PDE4D: variants seen among roughly 807,000 people sequenced by gnomAD.
PDE4D encodes phosphodiesterase 4D, also known as 3',5'-cyclic-AMP phosphodiesterase 4D.
PDE4D carries 24 observed loss-of-function variants against 87.4 expected under a neutral mutation model. The ratio of observed to expected loss-of-function variants is 0.27; its 90% confidence interval spans 0.20 to 0.39. The LOEUF is 0.39. Ranked by LOEUF, PDE4D falls within the 10% of genes least tolerant of loss-of-function variation. The pLI is 1.00. For synonymous variants in PDE4D, 384 were observed against 383.2 expected, an observed-to-expected ratio of 1.00 and a Z score of -0.02; for missense variants, 714 against 1,041.0, an observed-to-expected ratio of 0.69 and a Z score of 4.32.
intron 5 of PDE4D, among the ~76,000 whole-genome samples, chr5:59,175,653 G>A (rs1421957506): frequency 6.6e-6 from 1 of 151,210 alleles, no homozygotes; most frequent in Non-Finnish European, 1.5e-5. Context: ...GCTAATTTTT[G>A]TATTTTAATA....
At chr5:58,996,661 C>G (rs1267214092) in intron 6 of PDE4D, among the ~76,000 whole-genome samples, 1 of 152,130 alleles carries the variant, frequency 6.6e-6, no homozygotes, top group Non-Finnish European at 1.5e-5. Context: ...CTAACTTGTA[C>G]ACAAACTAGT....
chr5:58,976,583 T>C, intron 12 of PDE4D, 111 bp from the exon 13 acceptor site: 1 of 866,656 alleles, frequency 1.2e-6, no homozygotes, highest in Non-Finnish European at 1.8e-6. Context: ...TGCCTTTTAA[T>C]GACAGTGGAA....
intron 1 of PDE4D, among the ~76,000 whole-genome samples, chr5:59,691,858 A>G (rs891066392): frequency 6.6e-6 from 1 of 152,110 alleles, no homozygotes; most frequent in Non-Finnish European, 1.5e-5. Flanking sequence ...ATTATTTTAT[A>G]TAGGAAGTTC....
At chr5:59,102,901 T>C (rs747370997) in intron 5 of PDE4D, among the ~76,000 whole-genome samples, 1 of 152,166 alleles carries the variant, frequency 6.6e-6, no homozygotes, top group Non-Finnish European at 1.5e-5. Context: ...AGCATAACAC[T>C]TAACAGCCGA....
At chr5:59,987,507 T>C (rs568654896) in intron 3 of PDE4D, 33 of 152,314 alleles carry the variant, frequency 2.2e-4, no homozygotes, top group African/African-American at 6.0e-4. Flanking sequence ...TTCAGTATCT[T>C]TGAGTTGAGT....
intron 1 of PDE4D, among the ~76,000 whole-genome samples, chr5:59,669,213 G>A (rs998441008): frequency 1.3e-5 from 2 of 152,126 alleles, no homozygotes; most frequent in South Asian, 4.1e-4. Context: ...CCAGGTTCAA[G>A]CAATTCTCCT....
At chr5:59,015,014 A>C (rs369333912) in intron 6 of PDE4D, among the ~76,000 whole-genome samples, 2 of 152,152 alleles carry the variant, frequency 1.3e-5, no homozygotes, top group African/African-American at 2.4e-5. Flanking sequence ...CAAAAACAAG[A>C]AATGGGGAAA....
chr5:60,223,310 AG>A (rs1182181563), intron 1 of PDE4D, among the ~76,000 whole-genome samples: 1 of 152,180 alleles, frequency 6.6e-6, no homozygotes, highest in Non-Finnish European at 1.5e-5. Flanking sequence ...CTATCGATTA[AG>A]TTTGTCATTA....
At chr5:59,517,661 GCTGAAA>G (rs1175843809) in intron 1 of PDE4D, among the ~76,000 whole-genome samples, 1 of 152,186 alleles carries the variant, frequency 6.6e-6, no homozygotes, top group Non-Finnish European at 1.5e-5. Context: ...GTAAAATGAA[GCTGAAA>G]GGAGGATATA....
chr5:59,528,045 C>G (rs777007243), intron 1 of PDE4D, among the ~76,000 whole-genome samples: 1 of 152,172 alleles, frequency 6.6e-6, no homozygotes, highest in Non-Finnish European at 1.5e-5. Flanking sequence ...GAACTGCACG[C>G]TTAAAGGTAA....
intron 2 of PDE4D, among the ~76,000 whole-genome samples, chr5:60,116,763 A>T (rs990383488): frequency 6.6e-6 from 1 of 152,116 alleles, no homozygotes; most frequent in Non-Finnish European, 1.5e-5. Context: ...CTCATTGCCC[A>T]TAGGAAATGA....
intron 1 of PDE4D, among the ~76,000 whole-genome samples, chr5:59,234,767 T>C (rs1756007936): frequency 6.6e-6 from 1 of 152,164 alleles, no homozygotes; most frequent in Non-Finnish European, 1.5e-5. Context: ...TTTTTAAACT[T>C]GGGGGAAAAA....
intron 1 of PDE4D, among the ~76,000 whole-genome samples, chr5:59,801,255 C>A (rs1767095953): frequency 6.6e-6 from 1 of 152,068 alleles, no homozygotes; most frequent in African/African-American, 2.4e-5. Flanking sequence ...TAATGTAAAC[C>A]CATGAATCTA....
At chr5:59,091,697 AATT>A (rs1768765938) in intron 5 of PDE4D, among the ~76,000 whole-genome samples, 2 of 152,100 alleles carry the variant, frequency 1.3e-5, no homozygotes, top group South Asian at 4.1e-4. Flanking sequence ...TGAAACAGGA[AATT>A]ATAGGGTCTT....
At chr5:59,326,293 TGA>T (rs1320127645) in intron 1 of PDE4D, among the ~76,000 whole-genome samples, 3 of 152,080 alleles carry the variant, frequency 2.0e-5, no homozygotes, top group Non-Finnish European at 4.4e-5. Context: ...AAAAATGTGT[TGA>T]GTCAGTTTGT....
chr5:59,012,327 T>C lies in PDE4D; in HGVS notation c.922-18862A>G, dbSNP rs184669366. 9.7e-4 allele frequency among the ~76,000 whole-genome samples: 148 copies of C among 152,296 alleles called. 2 individuals carry two copies. The highest frequency in any genetic ancestry group is 3.2e-3 in the African/African-American group (134 of 41,566). On this transcript the variant is annotated intron_variant, in intron 6 of 14. Transcript: ENST00000340635. ...ATATTAACCTTATATGTAAATGGGC[T>C]AAATGTTCCAATTAAAAAACACAGA...
intron 1 of PDE4D, among the ~76,000 whole-genome samples, chr5:59,781,034 C>A (rs900629592): frequency 3.3e-5 from 5 of 151,894 alleles, no homozygotes; most frequent in African/African-American, 1.2e-4. Context: ...CATGTGCTGG[C>A]AGGTGCCTGT....
intron 2 of PDE4D, among the ~76,000 whole-genome samples, chr5:60,160,968 T>C (rs796774144): frequency 8.5e-5 from 13 of 152,300 alleles, no homozygotes; most frequent in African/African-American, 3.1e-4. Flanking sequence ...CAGGTAACAT[T>C]AGCCATCAAA....
chr5:60,238,804 G>A (rs1224765487), intron 1 of PDE4D, among the ~76,000 whole-genome samples: 1 of 151,848 alleles, frequency 6.6e-6, no homozygotes, highest in African/African-American at 2.4e-5. Flanking sequence ...TTTTAAAAAT[G>A]TTGTTGGTGT....
Sources: gnomAD v4.1 joint callset for allele counts (sites outside exome capture counted in the v4.1 genomes callset) on GRCh38, gnomAD v4.1.1 for gene constraint, MANE v1.5 for transcripts, NCBI Gene and HGNC (gene_info 2026-07-23, HGNC 2026-07-21) for gene names.